The following PDGFC variants were observed in gnomAD, a reference collection of about 807,000 sequenced individuals.
The protein encoded by PDGFC is platelet derived growth factor C, also known as platelet-derived growth factor C.
In PDGFC, 12 loss-of-function variants were observed where a neutral mutation model predicts 35.5. That is an observed-to-expected ratio of 0.34 (90% CI 0.22 to 0.55). The LOEUF (loss-of-function observed/expected upper bound fraction) is 0.55. Ranked by LOEUF, PDGFC falls within the 20% of genes least tolerant of loss-of-function variation. The pLI is 0.91. For missense variants in PDGFC, 322 were observed against 412.4 expected (o/e 0.78, Z 1.90); for synonymous variants, 159 against 148.8 (o/e 1.07, Z -0.50).
intron 2 of PDGFC, among the ~76,000 whole-genome samples, chr4:156,832,420 C>T (rs1371817716): frequency 2.0e-5 from 3 of 152,008 alleles, no homozygotes; most frequent in Non-Finnish European, 2.9e-5. Flanking sequence ...CCATGCCTGG[C>T]TAATTTTTGT....
chr4:156,832,554 C>T (rs1728970366), intron 2 of PDGFC, among the ~76,000 whole-genome samples: 1 of 152,174 alleles, frequency 6.6e-6, no homozygotes, highest in Admixed American at 6.5e-5. Context: ...CATGCCTGGC[C>T]CATGCCATTT....
At chr4:156,885,442 GAATATTTGTGCA>G (rs1730353792) in intron 1 of PDGFC, among the ~76,000 whole-genome samples, 1 of 152,164 alleles carries the variant, frequency 6.6e-6, no homozygotes. Context: ...AGGAGGCTTA[GAATATTTGTGCA>G]CCCTTTAAAA....
chr4:156,905,460 G>A lies in PDGFC; in HGVS notation c.119-55044C>T, dbSNP rs373988726. ...GATAGTTGCCCATAATGTGCAATGC[G>A]TAAACTGAAATCATGACTCAAGGAG... On this transcript the variant is annotated intron_variant, in intron 1 of 5. Transcript: ENST00000502773. Among the ~76,000 whole-genome samples the A allele has an allele frequency of 2.7e-3, 414 of 152,034 alleles. 1 individual carries two copies. The highest frequency in any genetic ancestry group is 9.2e-3 in the African/African-American group (383 of 41,496).
chr4:156,931,148 C>G (rs1731540893), intron 1 of PDGFC, among the ~76,000 whole-genome samples: 1 of 152,160 alleles, frequency 6.6e-6, no homozygotes, highest in Non-Finnish European at 1.5e-5. Context: ...AAAGGCGTGA[C>G]AGCCTCAGAA....
chr4:156,926,576 T>G (rs1731419847), intron 1 of PDGFC, among the ~76,000 whole-genome samples: 1 of 152,224 alleles, frequency 6.6e-6, no homozygotes, highest in Non-Finnish European at 1.5e-5. Context: ...ACCAGCCCCA[T>G]GCATGTCCAA....
At chr4:156,947,070 T>G (rs1731966392) in intron 1 of PDGFC, among the ~76,000 whole-genome samples, 1 of 151,834 alleles carries the variant, frequency 6.6e-6, no homozygotes, top group African/African-American at 2.4e-5. Context: ...TCAAATGACA[T>G]AAAGAAGGGA....
At chr4:156,802,747 C>T (rs1731650090) in intron 3 of PDGFC, among the ~76,000 whole-genome samples, 1 of 152,074 alleles carries the variant, frequency 6.6e-6, no homozygotes, top group Non-Finnish European at 1.5e-5. Flanking sequence ...CTGACTAAGC[C>T]AGCACGCAGT....
rs571310184 is a variant in PDGFC, at chr4:156,898,338, T to C, written c.119-47922A>G. 1.1e-3 allele frequency among the ~76,000 whole-genome samples: 165 copies of C among 152,300 alleles called. No individual in the cohort carries two copies. In the South Asian group the frequency reaches 0.016, roughly 15 times the overall value. On this transcript the variant is annotated intron_variant, in intron 1 of 5. Transcript: ENST00000502773. ...CCACCCTTTCTATGGTAGTTTGTTATAGCACCTCGAACAGACTAAGGAAAA... is the reference window on the plus strand; with the variant it reads ...CCACCCTTTCTATGGTAGTTTGTTACAGCACCTCGAACAGACTAAGGAAAA...
rs1255469837 is a variant in PDGFC at position 156,971,770 on chromosome 4, G to C, written c.-867C>G. Among the ~76,000 whole-genome samples the C allele has an allele frequency of 6.6e-6, 1 of 151,950 alleles. No homozygotes were observed. Among genetic ancestry groups the C allele is most frequent in the Non-Finnish European group, 1.5e-5 (1 of 67,960 alleles). ...ACGCCTCGGGCTCCGCGCTAACCTC[G>C]GGGCTACGCGCGGCGTCTCCGCACG... On this transcript the variant is annotated 5_prime_UTR_variant, in exon 1 of 6. Coordinates refer to ENST00000502773, the MANE Select transcript of PDGFC (RefSeq NM_016205.3).
At chr4:156,896,051 G>T (rs904123114) in intron 1 of PDGFC, among the ~76,000 whole-genome samples, 10 of 151,910 alleles carry the variant, frequency 6.6e-5, no homozygotes, top group Non-Finnish European at 1.3e-4. Flanking sequence ...CAAAGAAAAT[G>T]AATAATAAAA....
At chr4:156,883,716 CTCTT>C (rs1730309518) in intron 1 of PDGFC, among the ~76,000 whole-genome samples, 1 of 149,176 alleles carries the variant, frequency 6.7e-6, no homozygotes, top group Admixed American at 6.6e-5. Context: ...AGATTTCTTT[CTCTT>C]TCTCTTTCTC....
chr4:156,809,742 C>G (rs1034780227), intron 3 of PDGFC, among the ~76,000 whole-genome samples: 1 of 151,316 alleles, frequency 6.6e-6, no homozygotes, highest in Non-Finnish European at 1.5e-5. Flanking sequence ...GATATTTATA[C>G]GTTAGCTTTT....
intron 3 of PDGFC, among the ~76,000 whole-genome samples, chr4:156,782,373 C>A (rs1731004967): frequency 6.6e-6 from 1 of 152,130 alleles, no homozygotes; most frequent in Non-Finnish European, 1.5e-5. Context: ...CTGAGGCCCA[C>A]CATGTCACTG....
chr4:156,764,789 T>C (rs1252270850), intron 5 of PDGFC, among the ~76,000 whole-genome samples: 1 of 152,226 alleles, frequency 6.6e-6, no homozygotes, highest in African/African-American at 2.4e-5. Flanking sequence ...TAACTACATT[T>C]CAGATATTGG....
At chr4:156,860,813 A>C (rs1729693402) in intron 1 of PDGFC, among the ~76,000 whole-genome samples, 1 of 152,148 alleles carries the variant, frequency 6.6e-6, no homozygotes, top group Admixed American at 6.6e-5. Context: ...TTTTTATAGC[A>C]GTTATCATAC....
At chr4:156,789,485 G>A (rs1676347916) in intron 3 of PDGFC, among the ~76,000 whole-genome samples, 1 of 152,074 alleles carries the variant, frequency 6.6e-6, no homozygotes. Flanking sequence ...ATAAATACCA[G>A]CCAGAAGTCT....
intron 1 of PDGFC, among the ~76,000 whole-genome samples, chr4:156,964,212 C>T (rs999733527): frequency 1.3e-5 from 2 of 151,518 alleles, no homozygotes; most frequent in Admixed American, 6.6e-5. Flanking sequence ...ACCAAGCATG[C>T]CAATGTCAGC....
intron 3 of PDGFC, among the ~76,000 whole-genome samples, chr4:156,804,126 T>C (rs910595204): frequency 6.6e-6 from 1 of 152,018 alleles, no homozygotes; most frequent in African/African-American, 2.4e-5. Flanking sequence ...TGTGCAGAGT[T>C]TCTAATCTAT....
intron 3 of PDGFC, among the ~76,000 whole-genome samples, chr4:156,808,711 A>T (rs1426517664): frequency 6.6e-6 from 1 of 152,010 alleles, no homozygotes; most frequent in Non-Finnish European, 1.5e-5. Flanking sequence ...AATTCAAAAC[A>T]TTCTGCAAGG....
Sources: gnomAD v4.1 joint callset for allele counts (sites outside exome capture counted in the v4.1 genomes callset) on GRCh38, gnomAD v4.1.1 for gene constraint, MANE v1.5 for transcripts, NCBI Gene and HGNC (gene_info 2026-07-23, HGNC 2026-07-21) for gene names.